The following NCAPH variants were observed in gnomAD, a reference collection of about 807,000 sequenced individuals.
The protein encoded by NCAPH is non-SMC condensin I complex subunit H.
NCAPH carries 38 observed loss-of-function variants against 85.5 expected under a neutral mutation model. The ratio of observed to expected loss-of-function variants is 0.44; its 90% CI spans 0.34 to 0.58. NCAPH has a LOEUF of 0.58. Among genes scored for constraint, NCAPH ranks in the 20% least tolerant of loss-of-function variants. The pLI is 0.01. For synonymous variants in NCAPH, 301 were observed against 335.1 expected (o/e 0.90, Z 1.11); for missense variants, 789 against 916.6 (o/e 0.86, Z 1.80).
rs984823799 is a variant in NCAPH at position 96,343,214 on chromosome 2, G to A, written c.505G>A (p.Val169Met). ...DASTKIYAVR[V>M]DAVHADVYRV... is the part of the protein sequence containing the mutation. ...CAGCACCAAGATCTATGCTGTGCGC[G>A]TGGATGCCGTCCATGCCGATGTATA... The change falls in exon 5 of 18, where the codon GTG becomes ATG. Residue 169 changes from valine (V) to methionine (M), a missense_variant. By Grantham distance (21) the Val-to-Met change is conservative (BLOSUM62 1). Transcript: ENST00000240423. The A allele has an allele frequency of 4.3e-6, 7 of 1,614,062 alleles. No individual in the cohort carries two copies. The highest frequency in any genetic ancestry group is 5.9e-6 in the Non-Finnish European group (7 of 1,180,040).
chr2:96,368,480 C>T (rs1377465347), intron 15 of NCAPH, among the ~76,000 whole-genome samples: 3 of 152,082 alleles, frequency 2.0e-5, no homozygotes, highest in Non-Finnish European at 2.9e-5. Flanking sequence ...CATGGTGAAA[C>T]CCCATCTCTA....
chr2:96,352,114 T>A, intron 7 of NCAPH, 94 bp downstream of exon 7: 1 of 1,291,112 alleles, frequency 7.7e-7, no homozygotes, highest in Non-Finnish European at 1.1e-6. Flanking sequence ...CATGCTCTTA[T>A]GTTGCTTAAA....
At chr2:96,358,173 C>T (rs943030508) in intron 9 of NCAPH, among the ~76,000 whole-genome samples, 1 of 152,192 alleles carries the variant, frequency 6.6e-6, no homozygotes, top group African/African-American at 2.4e-5. Context: ...GCACTGACCA[C>T]TTAGACACTT....
chr2:96,341,535 T>C, intron 1 of NCAPH, 107 bp from the exon 2 acceptor site: 1 of 1,391,398 alleles, frequency 7.2e-7, no homozygotes, highest in Non-Finnish European at 9.8e-7. Flanking sequence ...GGAGAAGATC[T>C]CAGTGGACAG....
In NCAPH at chr2:96,343,241, A is replaced by G. The variant is rs1366285381; in HGVS notation, c.532A>G (p.Arg178Gly). Residue 178 changes from arginine (R) to glycine (G), a missense_variant, in exon 5 of 18, where the codon AGA (arginine) becomes GGA (glycine). Coordinates refer to ENST00000240423, the MANE Select transcript of NCAPH (RefSeq NM_015341.5). ...RVDAVHADVY[R>G]VLGGLGKDAP... ...GGATGCCGTCCATGCCGATGTATAC[A>G]GAGTCCTTGGGGGGCTGGGCAAAGA... is the stretch of plus-strand genomic sequence containing the variant. 6.2e-7 allele frequency: 1 copy of G among 1,614,120 alleles called. No homozygotes were observed. Among genetic ancestry groups the G allele is most frequent in the Non-Finnish European group, 8.5e-7 (1 of 1,179,986 alleles).
chr2:96,352,009 C>T lies in NCAPH; in HGVS notation c.899C>T (p.Thr300Ile). The T allele has an allele frequency of 1.9e-6, 3 of 1,609,774 alleles. No homozygotes were observed. Among genetic ancestry groups the T allele is most frequent in the Non-Finnish European group, 2.5e-6 (3 of 1,178,546 alleles). Reference protein sequence around the residue: ...ELPELGCVEMTDLKAPLQQCA... With the variant: ...ELPELGCVEMIDLKAPLQQCA... Reference sequence around the variant, plus strand: ...CCAGAGTTAGGTTGTGTAGAAATGACAGATTTAAAAGGTAAGTACAAGTGA... The same window carrying T: ...CCAGAGTTAGGTTGTGTAGAAATGATAGATTTAAAAGGTAAGTACAAGTGA... The change falls in exon 7 of 18, where the codon ACA becomes ATA. Residue 300 changes from threonine to isoleucine, a missense_variant. Coordinates refer to ENST00000240423, the MANE Select transcript of NCAPH (RefSeq NM_015341.5).
rs1343753066 is a variant in NCAPH at position 96,368,916 on chromosome 2, C to T, written c.1999-56C>T. 2.0e-5 allele frequency: 29 copies of T among 1,470,300 alleles called. 1 individual carries two copies. In the African/African-American group the frequency reaches 3.3e-4, roughly 17 times the overall value. The allele number at this position is 1,470,300 out of a possible 1,614,324, so 91.1% of individuals were successfully genotyped here. On this transcript the variant is annotated intron_variant, in intron 15 of 17. Transcript: ENST00000240423. ...TGGTGACACAACTTTATTTTTGTTGCCCTTTCAAAAGTGCACTAGCCCTAA... is the reference window on the plus strand; with the variant it reads ...TGGTGACACAACTTTATTTTTGTTGTCCTTTCAAAAGTGCACTAGCCCTAA...
At chr2:96,344,317 A>G (rs2064335471) in intron 6 of NCAPH, 88 bp downstream of exon 6, 1 of 1,465,218 alleles carries the variant, frequency 6.8e-7, no homozygotes, top group Non-Finnish European at 9.1e-7. Context: ...CCTTGCTGGT[A>G]TGTGCCTGTT....
chr2:96,344,100 T>C lies in NCAPH; in HGVS notation c.596-5T>C, dbSNP rs1464592593. On this transcript the variant is annotated splice_region_variant and splice_polypyrimidine_tract_variant and intron_variant, in intron 5 of 17. Transcript: ENST00000240423. ...TGCAGTACGCAATTGTATTTCTCCT[T>C]TTAGATGGAAGTGCTACTGAAATGG... is the stretch of plus-strand genomic sequence containing the variant. 1 of 1,608,932 alleles carries C rather than the reference T, an allele frequency of 6.2e-7. No individual in the cohort carries two copies. Among genetic ancestry groups the C allele is most frequent in the African/African-American group, 1.3e-5 (1 of 74,624 alleles).
intron 7 of NCAPH, among the ~76,000 whole-genome samples, chr2:96,352,419 TGAG>T (rs886130210): frequency 1.3e-5 from 2 of 152,200 alleles, no homozygotes; most frequent in African/African-American, 4.8e-5. Flanking sequence ...CAGGGGGCCC[TGAG>T]GAGAAGAGAG....
Position 96,355,271 on chromosome 2 carries a change from A to G in NCAPH, c.1208+883A>G, listed in dbSNP as rs575068303. On this transcript the variant is annotated intron_variant, in intron 9 of 17. Coordinates refer to ENST00000240423, the MANE Select transcript of NCAPH (RefSeq NM_015341.5). ...TGTCATGGTCCTGTAAAGGTCTTCA[A>G]TGGGCCTGGGGGTAGGAGATTTCAT... 1.3e-4 allele frequency among the ~76,000 whole-genome samples: 20 copies of G among 152,276 alleles called. No individual in the cohort carries two copies. The South Asian group carries it at 2.7e-3, about 21-fold the overall frequency.
chr2:96,348,863 T>G (rs1242633395), intron 6 of NCAPH, among the ~76,000 whole-genome samples: 1 of 151,926 alleles, frequency 6.6e-6, no homozygotes, highest in Non-Finnish European at 1.5e-5. Context: ...GTGACCAGGC[T>G]AGTCTCGAAC....
At chr2:96,360,549 T>C (rs201149384) in intron 11 of NCAPH, 39 bp from the exon 12 acceptor site, 104 of 1,610,866 alleles carry the variant, frequency 6.5e-5, no homozygotes, top group Non-Finnish European at 8.2e-5. Flanking sequence ...TTGCCCACTG[T>C]TAAAATGCCT....
chr2:96,337,327 C>T (rs1486962228), intron 1 of NCAPH, among the ~76,000 whole-genome samples: 1 of 152,230 alleles, frequency 6.6e-6, no homozygotes, highest in Non-Finnish European at 1.5e-5. Context: ...GCCTACTGTG[C>T]TCACATCCAA....
intron 13 of NCAPH, among the ~76,000 whole-genome samples, chr2:96,365,224 G>A (rs901899614): frequency 1.2e-4 from 19 of 152,102 alleles, no homozygotes; most frequent in Non-Finnish European, 2.6e-4. Context: ...TGGAAAGGGG[G>A]GAACGAACTG....
chr2:96,370,870 TG>T (rs1233695530), intron 17 of NCAPH, among the ~76,000 whole-genome samples: 7 of 152,136 alleles, frequency 4.6e-5, no homozygotes, highest in Non-Finnish European at 1.0e-4. Flanking sequence ...CCCTTGGGAA[TG>T]GTTTTAACCC....
rs1217834948 is a variant in NCAPH, at chr2:96,375,679, TAA to T, written c.*2329_*2330del. Among the ~76,000 whole-genome samples the T allele has an allele frequency of 6.6e-6, 1 of 152,236 alleles. No homozygotes were observed. Among genetic ancestry groups the T allele is most frequent in the East Asian group, 1.9e-4 (1 of 5,204 alleles). On this transcript the variant is annotated 3_prime_UTR_variant, in exon 18 of 18. Transcript: ENST00000240423. ...TGACTAAGACAGTGGGTATGCAAGA[TAA>T]GTTTATTTTATATAAAATACTTTGG...
intron 17 of NCAPH, among the ~76,000 whole-genome samples, chr2:96,370,184 C>G (rs1210716388): frequency 6.6e-6 from 1 of 152,176 alleles, no homozygotes; most frequent in Non-Finnish European, 1.5e-5. Context: ...CATTAGGGTC[C>G]CCAGCCAGCT....
intron 6 of NCAPH, among the ~76,000 whole-genome samples, chr2:96,350,744 G>A (rs1024101117): frequency 6.6e-6 from 1 of 152,180 alleles, no homozygotes; most frequent in Non-Finnish European, 1.5e-5. Flanking sequence ...TCCGAGCTAA[G>A]GGGACCAGGG....
Sources: allele counts gnomAD v4.1 joint callset (sites outside exome capture counted in the v4.1 genomes callset), GRCh38; gene constraint gnomAD v4.1.1; transcripts MANE v1.5; gene names NCBI Gene and HGNC (gene_info 2026-07-23, HGNC 2026-07-21).